Variants in SSBP2 observed in about 807,000 individuals in gnomAD.
The protein encoded by SSBP2 is single-stranded DNA-binding protein 2.
In SSBP2, 17 loss-of-function variants were observed where a neutral mutation model predicts 61.8. The ratio of observed to expected loss-of-function variants is 0.28; its 90% CI spans 0.19 to 0.41. The LOEUF is 0.41. Among genes scored for constraint, SSBP2 ranks in the 10% least tolerant of loss-of-function variants. SSBP2 has a pLI of 1.00. For missense variants in SSBP2, 310 were observed against 458.7 expected (o/e 0.68, Z 2.96); for synonymous variants, 139 against 141.3 (o/e 0.98, Z 0.12).
chr5:81,544,338 C>A (rs1380618871), intron 4 of SSBP2, among the ~76,000 whole-genome samples: 1 of 152,178 alleles, frequency 6.6e-6, no homozygotes. Context: ...TAAGCCACTG[C>A]GCCTGGCCCA....
At chr5:81,442,307 T>A (rs897631554) in intron 13 of SSBP2, among the ~76,000 whole-genome samples, 1 of 151,970 alleles carries the variant, frequency 6.6e-6, no homozygotes, top group Non-Finnish European at 1.5e-5. Flanking sequence ...AAGATCACAA[T>A]GAAAAAGCTT....
At chr5:81,519,034 T>C (rs1769258743) in intron 4 of SSBP2, among the ~76,000 whole-genome samples, 1 of 152,128 alleles carries the variant, frequency 6.6e-6, no homozygotes, top group African/African-American at 2.4e-5. Context: ...TACATCTCTA[T>C]TCTCAATGAG....
chr5:81,477,882 A>G (rs1036685652), intron 6 of SSBP2, among the ~76,000 whole-genome samples: 4 of 152,198 alleles, frequency 2.6e-5, no homozygotes, highest in Non-Finnish European at 5.9e-5. Context: ...AGTCATAAGA[A>G]TGAAACAGAG....
intron 4 of SSBP2, among the ~76,000 whole-genome samples, chr5:81,529,980 A>G (rs1770269528): frequency 6.6e-6 from 1 of 152,126 alleles, no homozygotes; most frequent in Non-Finnish European, 1.5e-5. Flanking sequence ...AGCATTTAAA[A>G]TGATGCAGAC....
At chr5:81,476,162 C>T (rs1220656585) in intron 6 of SSBP2, among the ~76,000 whole-genome samples, 1 of 152,020 alleles carries the variant, frequency 6.6e-6, no homozygotes, top group African/African-American at 2.4e-5. Flanking sequence ...TACCTCATTA[C>T]CCCTAAATAC....
At chr5:81,546,617 T>C (rs1771747132) in intron 4 of SSBP2, among the ~76,000 whole-genome samples, 1 of 152,122 alleles carries the variant, frequency 6.6e-6, no homozygotes, top group African/African-American at 2.4e-5. Context: ...TTAGAACTGT[T>C]CAGATATATC....
intron 1 of SSBP2, among the ~76,000 whole-genome samples, chr5:81,750,327 G>A (rs1242450690): frequency 7.2e-6 from 1 of 138,968 alleles, no homozygotes; most frequent in Non-Finnish European, 1.5e-5. Flanking sequence ...AGGAAAGCCC[G>A]GACGCCCAAC....
rs187742621 is a variant in SSBP2 at position 81,463,557 on chromosome 5, G to A, written c.639-2454C>T. On this transcript the variant is annotated intron_variant, in intron 9 of 16. Transcript: ENST00000320672. Reference sequence around the variant, plus strand: ...TACACAAAAAATACAAAAATTAGCCGGGCGTGGTGGCGCATGCCTGTGGTC... The same window carrying A: ...TACACAAAAAATACAAAAATTAGCCAGGCGTGGTGGCGCATGCCTGTGGTC... 2.5e-3 allele frequency among the ~76,000 whole-genome samples: 378 copies of A among 152,042 alleles called. 2 individuals are homozygous for A. Among genetic ancestry groups the A allele is most frequent in the African/African-American group, 8.4e-3 (349 of 41,482 alleles).
Position 81,590,093 on chromosome 5 carries a change from C to T in SSBP2, c.282+25380G>A, listed in dbSNP as rs945231541. Among the ~76,000 whole-genome samples the T allele has an allele frequency of 5.9e-5, 9 of 152,110 alleles. No homozygotes were observed. In the South Asian group the frequency reaches 1.2e-3, roughly 21 times the overall value. On this transcript the variant is annotated intron_variant, in intron 4 of 16. Transcript: ENST00000320672. ...CTTCTGAAAAATGGAGTTTCCTTTCCCCATCAATGAGTTCAAACTGTCTCG... is the reference window on the plus strand; with the variant it reads ...CTTCTGAAAAATGGAGTTTCCTTTCTCCATCAATGAGTTCAAACTGTCTCG...
At chr5:81,566,493 G>A (rs1321444074) in intron 4 of SSBP2, among the ~76,000 whole-genome samples, 1 of 152,150 alleles carries the variant, frequency 6.6e-6, no homozygotes, top group Non-Finnish European at 1.5e-5. Flanking sequence ...CTTGCCTTCT[G>A]CCATGATTGT....
chr5:81,453,218 A>C (rs905375194), intron 10 of SSBP2, among the ~76,000 whole-genome samples: 1 of 152,052 alleles, frequency 6.6e-6, no homozygotes, highest in Non-Finnish European at 1.5e-5. Flanking sequence ...GGATTGCTTG[A>C]GCACAGGAGG....
chr5:81,515,968 T>C (rs1474581371), intron 4 of SSBP2, among the ~76,000 whole-genome samples: 1 of 151,906 alleles, frequency 6.6e-6, no homozygotes, highest in African/African-American at 2.4e-5. Flanking sequence ...TTAAGTTTTG[T>C]AATATAGTAG....
intron 4 of SSBP2, among the ~76,000 whole-genome samples, chr5:81,582,163 TG>T (rs1174990555): frequency 1.3e-5 from 2 of 152,290 alleles, no homozygotes; most frequent in African/African-American, 4.8e-5. Flanking sequence ...CATTCATCTT[TG>T]TTTGGGGTTG....
intron 16 of SSBP2, among the ~76,000 whole-genome samples, chr5:81,423,819 C>G (rs1405543349): frequency 6.6e-6 from 1 of 151,940 alleles, no homozygotes; most frequent in Non-Finnish European, 1.5e-5. Context: ...TATAGAATAG[C>G]CTTCATTATA....
intron 4 of SSBP2, among the ~76,000 whole-genome samples, chr5:81,516,979 T>C (rs1040775814): frequency 6.6e-6 from 1 of 152,134 alleles, no homozygotes; most frequent in East Asian, 1.9e-4. Flanking sequence ...TACTCTATGA[T>C]GTTGTGACAA....
intron 1 of SSBP2, among the ~76,000 whole-genome samples, chr5:81,731,108 C>T (rs961882658): frequency 2.6e-5 from 4 of 152,166 alleles, no homozygotes; most frequent in African/African-American, 9.7e-5. Context: ...TCTATAAATA[C>T]TGAAATGCGT....
intron 4 of SSBP2, among the ~76,000 whole-genome samples, chr5:81,548,277 A>T (rs1285949839): frequency 6.6e-6 from 1 of 152,118 alleles, no homozygotes; most frequent in Non-Finnish European, 1.5e-5. Context: ...TTTGGGTGAC[A>T]ATGTGTCAAT....
intron 5 of SSBP2, among the ~76,000 whole-genome samples, chr5:81,501,212 AATATATATATAT>A (rs1167504052): frequency 0.011 from 328 of 28,756 alleles, 9 homozygotes; most frequent in Middle Eastern, 0.022. Flanking sequence ...CTCCATCTCA[AATATATATATAT>A]ATATATATAT....
chr5:81,502,146 T>G (rs1428943527), intron 5 of SSBP2, among the ~76,000 whole-genome samples: 1 of 152,134 alleles, frequency 6.6e-6, no homozygotes, highest in African/African-American at 2.4e-5. Flanking sequence ...TAGATCCACT[T>G]TTATGAGGCT....
Sources: allele counts gnomAD v4.1 joint callset (sites outside exome capture counted in the v4.1 genomes callset), GRCh38; gene constraint gnomAD v4.1.1; transcripts MANE v1.5; gene names NCBI Gene and HGNC (gene_info 2026-07-23, HGNC 2026-07-21).